The following PLPP4 variants were observed in gnomAD, a reference collection of about 807,000 sequenced individuals.
The protein encoded by PLPP4 is diacylglycerol pyrophosphate like 2.
A neutral mutation model predicts 32.2 loss-of-function variants in PLPP4; 20 were observed. The observed-to-expected ratio is 0.62, with a 90% confidence interval of 0.44 to 0.90. PLPP4 has a LOEUF of 0.90. Among genes scored for constraint, PLPP4 ranks in the 40% least tolerant of loss-of-function variants. PLPP4 has a pLI of 0.00. For synonymous variants in PLPP4, 127 were observed against 133.0 expected, an observed-to-expected ratio of 0.95 and a Z score of 0.31; for missense variants, 257 against 353.1, an observed-to-expected ratio of 0.73 and a Z score of 2.18.
intron 5 of PLPP4, among the ~76,000 whole-genome samples, chr10:120,546,874 T>C: frequency 6.6e-6 from 1 of 152,218 alleles, no homozygotes; most frequent in East Asian, 1.9e-4. Context: ...TGAGAGAGTG[T>C]TTCCCACTGT....
At chr10:120,526,291 CTTTA>C (rs1440923720) in intron 5 of PLPP4, among the ~76,000 whole-genome samples, 3 of 151,990 alleles carry the variant, frequency 2.0e-5, no homozygotes, top group African/African-American at 7.3e-5. Flanking sequence ...CCTGCCTTCC[CTTTA>C]TTTGTGTGTT....
At position 120,580,115 on chromosome 10, in the gene PLPP4, CAAAAAAAAAA is replaced by C. The variant is rs10609637; in HGVS notation, c.616+4829_616+4838del. On this transcript the variant is annotated intron_variant, in intron 6 of 6. Transcript: ENST00000398250. ...AGCCTGCGCGACAGAGCGAGACTCT[CAAAAAAAAAA>C]AAAAAAAAAAAAAAGGAAAGAAAGA... 9.5e-4 allele frequency among the ~76,000 whole-genome samples: 87 copies of C among 91,570 alleles called. 1 individual carries two copies. Among genetic ancestry groups the C allele is most frequent in the African/African-American group, 3.2e-3 (74 of 23,406 alleles). 60.1% of individuals were successfully genotyped at this position (91,570 alleles called of 152,430 possible). A position where few individuals can be genotyped will look rare whatever the true frequency, so the allele number is the denominator to read the frequency against.
intron 1 of PLPP4, among the ~76,000 whole-genome samples, chr10:120,499,748 A>G (rs1845151925): frequency 6.6e-6 from 1 of 152,118 alleles, no homozygotes; most frequent in African/African-American, 2.4e-5. Context: ...ATCCCTGGAC[A>G]TATTAAAGTT....
intron 1 of PLPP4, among the ~76,000 whole-genome samples, chr10:120,497,855 A>G (rs966354650): frequency 1.3e-5 from 2 of 152,128 alleles, no homozygotes; most frequent in Non-Finnish European, 2.9e-5. Context: ...CCTGGCTAAC[A>G]TGGTGAAACC....
chr10:120,517,087 A>G (rs1845962865), intron 3 of PLPP4, among the ~76,000 whole-genome samples: 1 of 152,172 alleles, frequency 6.6e-6, no homozygotes, highest in African/African-American at 2.4e-5. Context: ...TAAGCCCACC[A>G]GGCTCAGAGG....
intron 5 of PLPP4, among the ~76,000 whole-genome samples, chr10:120,574,162 ACACACACTCTCTCTCTCTCTCTCT>A (rs1469713792): frequency 1.7e-3 from 180 of 104,104 alleles, no homozygotes; most frequent in Middle Eastern, 4.9e-3. Context: ...ACACACACAC[ACACACACTCTCTCTCTCTCTCTCT>A]CTCTCTCTCT....
chr10:120,507,555 G>C (rs182557448), intron 2 of PLPP4, among the ~76,000 whole-genome samples: 200 of 152,302 alleles, frequency 1.3e-3, no homozygotes, highest in Non-Finnish European at 2.4e-3. Flanking sequence ...CAGCTTGTCC[G>C]AGATTATACA....
chr10:120,556,898 C>G (rs1242040825), intron 5 of PLPP4, among the ~76,000 whole-genome samples: 3 of 149,206 alleles, frequency 2.0e-5, no homozygotes, highest in Non-Finnish European at 3.0e-5. Context: ...TGGCAAAAAC[C>G]ACAATTACTT....
chr10:120,523,286 G>GT (rs1280559098), intron 5 of PLPP4, among the ~76,000 whole-genome samples: 1 of 151,844 alleles, frequency 6.6e-6, no homozygotes, highest in African/African-American at 2.4e-5. Flanking sequence ...TGGCAACAGA[G>GT]TGAGACTCCA....
intron 1 of PLPP4, among the ~76,000 whole-genome samples, chr10:120,492,812 G>C (rs952939463): frequency 1.3e-5 from 2 of 152,150 alleles, no homozygotes; most frequent in Non-Finnish European, 2.9e-5. Context: ...CAAATATTTA[G>C]AAAGGTTGAA....
chr10:120,479,195 C>T (rs1254376038), intron 1 of PLPP4, among the ~76,000 whole-genome samples: 1 of 152,130 alleles, frequency 6.6e-6, no homozygotes, highest in Admixed American at 6.5e-5. Flanking sequence ...CAGTGCACTC[C>T]AGCCTGGGCC....
In PLPP4 at chr10:120,501,171, A is replaced by G. The variant is rs1845231494; in HGVS notation, c.57-2647A>G. 2.6e-5 allele frequency among the ~76,000 whole-genome samples: 4 copies of G among 151,724 alleles called. No individual in the cohort carries two copies. In the South Asian group the frequency reaches 8.6e-4, roughly 32 times the overall value. ...GCCCCTCTCAATTTCCTGATCCACA[A>G]ATTCATGAGCAAAATAAAATGTTTT... On this transcript the variant is annotated intron_variant, in intron 1 of 6. Transcript: ENST00000398250.
intron 1 of PLPP4, among the ~76,000 whole-genome samples, chr10:120,473,229 A>T (rs1056066711): frequency 1.3e-5 from 2 of 151,980 alleles, no homozygotes; most frequent in Admixed American, 1.3e-4. Flanking sequence ...TTGTTTTGGC[A>T]TGCAGTTAAT....
intron 5 of PLPP4, among the ~76,000 whole-genome samples, chr10:120,538,238 G>A (rs573104476): frequency 6.6e-6 from 1 of 150,804 alleles, no homozygotes; most frequent in Non-Finnish European, 1.5e-5. Context: ...CTCCCGGTGA[G>A]GCTGGGCTGC....
At chr10:120,565,173 C>G (rs941324056) in intron 5 of PLPP4, among the ~76,000 whole-genome samples, 4 of 152,176 alleles carry the variant, frequency 2.6e-5, no homozygotes, top group Non-Finnish European at 5.9e-5. Flanking sequence ...GATTCTTTCT[C>G]CTTCCTCCCA....
intron 5 of PLPP4, among the ~76,000 whole-genome samples, chr10:120,540,035 C>G (rs1264629792): frequency 6.7e-6 from 1 of 148,556 alleles, no homozygotes; most frequent in Non-Finnish European, 1.5e-5. Context: ...TTGCCCTTTA[C>G]TAATATGGTC....
At chr10:120,502,231 C>T (rs531528094) in intron 1 of PLPP4, among the ~76,000 whole-genome samples, 7 of 152,248 alleles carry the variant, frequency 4.6e-5, no homozygotes, top group African/African-American at 9.6e-5. Flanking sequence ...CAGGCAGAGG[C>T]GCTGGGGGCC....
At chr10:120,498,930 C>T (rs1845103192) in intron 1 of PLPP4, among the ~76,000 whole-genome samples, 1 of 152,092 alleles carries the variant, frequency 6.6e-6, no homozygotes, top group African/African-American at 2.4e-5. Context: ...AAAATCACTT[C>T]TATTCTTAAT....
intron 1 of PLPP4, among the ~76,000 whole-genome samples, chr10:120,500,789 G>A (rs1355183770): frequency 6.6e-6 from 1 of 152,050 alleles, no homozygotes; most frequent in African/African-American, 2.4e-5. Context: ...CTTTCTCTTT[G>A]GGCACTCAAC....
Sources: gnomAD v4.1 joint callset for allele counts (sites outside exome capture counted in the v4.1 genomes callset) on GRCh38, gnomAD v4.1.1 for gene constraint, MANE v1.5 for transcripts, NCBI Gene and HGNC (gene_info 2026-07-23, HGNC 2026-07-21) for gene names.